The following STXBP4 variants were observed in gnomAD, a reference collection of about 807,000 sequenced individuals.
STXBP4 encodes syntaxin-binding protein 4.
Under a neutral mutation model 76.1 loss-of-function variants are expected in STXBP4, and 55 were observed. That is an observed-to-expected ratio of 0.72 (90% CI 0.58 to 0.91). The LOEUF is 0.91. Ranked by LOEUF, STXBP4 falls within the 40% of genes least tolerant of loss-of-function variation. STXBP4 has a pLI of 0.00. For synonymous variants in STXBP4, 201 were observed against 220.2 expected (o/e 0.91, Z 0.77); for missense variants, 618 against 636.9 (o/e 0.97, Z 0.32).
intron 16 of STXBP4, among the ~76,000 whole-genome samples, chr17:55,124,906 G>A (rs977142070): frequency 6.6e-6 from 1 of 152,168 alleles, no homozygotes; most frequent in Non-Finnish European, 1.5e-5. Context: ...CAGAGGAGGG[G>A]TGGGGTGGCT....
Position 55,141,358 on chromosome 17 carries a change from A to T in STXBP4, c.1538A>T (p.Tyr513Phe). Reference sequence around the variant, plus strand: ...GCTTACACAGCAGATGGAATCAAGTACTTCATCAAGTAAGTACAAGCATCT... The same window carrying T: ...GCTTACACAGCAGATGGAATCAAGTTCTTCATCAAGTAAGTACAAGCATCT... ...EEAYTADGIK[Y>F]FINHVTQTTS... is the part of the protein sequence containing the mutation. Residue 513 changes from tyrosine to phenylalanine, a missense_variant, in exon 17 of 18, where the codon TAC becomes TTC. Physicochemically the swap from Tyr to Phe is conservative, Grantham distance 22. Coordinates refer to ENST00000376352, the MANE Select transcript of STXBP4 (RefSeq NM_178509.6). The T allele has an allele frequency of 6.2e-7, 1 of 1,612,016 alleles. No homozygotes were observed. Among genetic ancestry groups the T allele is most frequent in the South Asian group, 1.1e-5 (1 of 90,672 alleles).
chr17:55,145,618 T>C (rs1230962177), intron 17 of STXBP4, among the ~76,000 whole-genome samples: 1 of 152,244 alleles, frequency 6.6e-6, no homozygotes, highest in Admixed American at 6.5e-5. Context: ...ACTTAAATTC[T>C]GATGCAAGAG....
At chr17:54,993,682 A>G (rs980770037) in intron 4 of STXBP4, among the ~76,000 whole-genome samples, 8 of 152,342 alleles carry the variant, frequency 5.3e-5, no homozygotes, top group Non-Finnish European at 7.4e-5. Flanking sequence ...AAATTTCTAC[A>G]TAGTAGAATC....
intron 12 of STXBP4, among the ~76,000 whole-genome samples, chr17:55,067,239 T>G: frequency 6.6e-6 from 1 of 152,168 alleles, no homozygotes; most frequent in East Asian, 1.9e-4. Context: ...TAAAGCATTT[T>G]AATGACAGTT....
chr17:55,044,790 T>C (rs2078762030), intron 11 of STXBP4: 1 of 152,148 alleles, frequency 6.6e-6, no homozygotes, highest in Non-Finnish European at 1.5e-5. Context: ...CCAGTATGTG[T>C]GTATTTTCAC....
chr17:55,060,048 A>G (rs1217931828), intron 12 of STXBP4, among the ~76,000 whole-genome samples: 2 of 152,092 alleles, frequency 1.3e-5, no homozygotes, highest in East Asian at 3.9e-4. Flanking sequence ...TCCAGTTTAA[A>G]CAAAAATAAT....
the STXBP4 span, among the ~76,000 whole-genome samples, chr17:55,208,554 CAAGGAAGGAAGGGAGGGAGGGAAG>C: frequency 3.7e-5 from 1 of 27,148 alleles, no homozygotes; most frequent in East Asian, 3.2e-3. Context: ...AGGAAGGAAG[CAAGGAAGGAAGGGAGGGAGGGAAG>C]AAGGAAGGAA....
intron 4 of STXBP4, 47 bp from the exon 5 acceptor site, chr17:54,999,298 T>C: frequency 6.9e-7 from 1 of 1,454,814 alleles, no homozygotes; most frequent in Non-Finnish European, 9.4e-7. Context: ...TTAATTTTTT[T>C]TTAAATACCT....
At chr17:55,148,053 A>C (rs2080176405) in intron 17 of STXBP4, among the ~76,000 whole-genome samples, 1 of 152,210 alleles carries the variant, frequency 6.6e-6, no homozygotes, top group South Asian at 2.1e-4. Context: ...CCCCTACCCC[A>C]AATTTCTTAC....
intron 12 of STXBP4, among the ~76,000 whole-genome samples, chr17:55,051,960 T>A (rs977253509): frequency 6.6e-6 from 1 of 152,018 alleles, no homozygotes; most frequent in Non-Finnish European, 1.5e-5. Flanking sequence ...GTTTAAAATA[T>A]CAAGTAGAAA....
At chr17:55,205,644 T>C in the STXBP4 span, among the ~76,000 whole-genome samples, 3 of 151,960 alleles carry the variant, frequency 2.0e-5, no homozygotes, top group Non-Finnish European at 2.9e-5. Context: ...AATAAACCCA[T>C]TGAAAAATGT....
downstream of STXBP4, among the ~76,000 whole-genome samples, chr17:55,176,324 A>G (rs1353183375): frequency 3.9e-5 from 6 of 152,322 alleles, no homozygotes; most frequent in East Asian, 9.6e-4. Context: ...ACAGAAATGT[A>G]AATGATTCGT....
downstream of STXBP4, among the ~76,000 whole-genome samples, chr17:55,175,240 T>C (rs944848283): frequency 1.3e-5 from 2 of 152,186 alleles, no homozygotes; most frequent in Non-Finnish European, 2.9e-5. Flanking sequence ...ATTATATAGA[T>C]GTATAGATAC....
chr17:55,101,195 C>T (rs2079559844), intron 16 of STXBP4, among the ~76,000 whole-genome samples: 1 of 152,148 alleles, frequency 6.6e-6, no homozygotes, highest in Non-Finnish European at 1.5e-5. Flanking sequence ...AAATGACCTT[C>T]ACAGTGGCAA....
At chr17:55,074,742 C>T (rs117597144) in intron 13 of STXBP4, among the ~76,000 whole-genome samples, 6 of 151,976 alleles carry the variant, frequency 3.9e-5, no homozygotes, top group East Asian at 1.9e-4. Context: ...TTATCATAAT[C>T]GGGTTCTCAT....
At chr17:54,986,298 T>C in intron 3 of STXBP4, 32 bp downstream of exon 3, 1 of 1,467,048 alleles carries the variant, frequency 6.8e-7, no homozygotes, top group Non-Finnish European at 9.4e-7. Context: ...TTTTGAAATA[T>C]AGTTTGAAAT....
At chr17:55,180,401 G>A in the STXBP4 span, among the ~76,000 whole-genome samples, 1 of 152,186 alleles carries the variant, frequency 6.6e-6, no homozygotes, top group South Asian at 2.1e-4. Context: ...GTCATCAAAC[G>A]ATACTCTGTG....
rs1169936543 is a variant in STXBP4 at position 55,172,161 on chromosome 17, C to G, written c.*12250C>G. ...CTGGGTTAGTAGTAAGAACAAACTT[C>G]CAAGTGGCACCATCTTAAAGGTGCA... On this transcript the variant is annotated 3_prime_UTR_variant, in exon 18 of 18. Coordinates refer to ENST00000376352, the MANE Select transcript of STXBP4 (RefSeq NM_178509.6). 6.6e-6 allele frequency: 1 copy of G among 152,200 alleles called. No individual in the cohort carries two copies. Among genetic ancestry groups the G allele is most frequent in the Non-Finnish European group, 1.5e-5 (1 of 68,046 alleles). The allele number at this position is 152,200 out of a possible 1,614,324, so 9.4% of individuals were successfully genotyped here.
intron 7 of STXBP4, among the ~76,000 whole-genome samples, chr17:55,006,086 A>G (rs2078003768): frequency 6.6e-6 from 1 of 152,106 alleles, no homozygotes; most frequent in Non-Finnish European, 1.5e-5. Flanking sequence ...AGGTATCATG[A>G]TTACAAAGGA....
Sources: gnomAD v4.1 joint callset for allele counts (sites outside exome capture counted in the v4.1 genomes callset) on GRCh38, gnomAD v4.1.1 for gene constraint, MANE v1.5 for transcripts, NCBI Gene and HGNC (gene_info 2026-07-23, HGNC 2026-07-21) for gene names.